CD1D: variants seen among roughly 807,000 people sequenced by gnomAD.
CD1D encodes the protein CD1d molecule, also known as antigen-presenting glycoprotein CD1d.
CD1D carries 40 observed loss-of-function variants against 42.1 expected under a neutral mutation model. The observed-to-expected ratio is 0.95, with a 90% CI of 0.74 to 1.24. CD1D has a LOEUF of 1.24. Among genes scored for constraint, CD1D ranks in the 50% most tolerant of loss-of-function variants. The probability of loss-of-function intolerance (pLI) is 0.00; values close to 1 mark genes in which losing one functional copy is unlikely to be tolerated. For synonymous variants in CD1D, 178 were observed against 171.8 expected, an observed-to-expected ratio of 1.04 and a Z score of -0.28; for missense variants, 437 against 416.5, an observed-to-expected ratio of 1.05 and a Z score of -0.43.
rs763097252 is a variant in CD1D, at chr1:158,184,544, A to T, written c.*394A>T. On this transcript the variant is annotated 3_prime_UTR_variant, in exon 6 of 6. Coordinates refer to ENST00000674085, the MANE Select transcript of CD1D (RefSeq NM_001371762.2). ...GAATCAGCTGCAGCTGCTTGTTGTC[A>T]AGTATAAAGTCAGGACCTGGCTTGG... The T allele has an allele frequency of 4.9e-6, 1 of 205,474 alleles. No individual in the cohort carries two copies. The highest frequency in any genetic ancestry group is 9.8e-6 in the Non-Finnish European group (1 of 101,842). 12.7% of individuals were successfully genotyped at this position (205,474 alleles called of 1,614,324 possible).
At chr1:158,183,541 A>C (rs1648558878) in intron 4 of CD1D, among the ~76,000 whole-genome samples, 1 of 152,214 alleles carries the variant, frequency 6.6e-6, no homozygotes, top group Admixed American at 6.5e-5. Context: ...ATGAATCTGC[A>C]TATAATATCT....
chr1:158,182,151 G>A lies in CD1D; in HGVS notation c.448G>A (p.Glu150Lys), dbSNP rs777519162. 16 of 1,613,986 alleles carry A rather than the reference G, an allele frequency of 9.9e-6. No individual in the cohort carries two copies. In the South Asian group the frequency reaches 1.6e-4, roughly 17 times the overall value. ...CCTGAGTTTCCAAGGAACTTCTTGG[G>A]AGCCAACCCAAGAGGCCCCACTTTG... ...DILSFQGTSW[E>K]PTQEAPLWVN... is the part of the protein sequence containing the mutation. The change falls in exon 3 of 6, where the codon GAG (glutamate) becomes AAG (lysine). Residue 150 changes from glutamate (E) to lysine (K), a missense_variant. Coordinates refer to ENST00000674085, the MANE Select transcript of CD1D (RefSeq NM_001371762.2).
Position 158,184,399 on chromosome 1 carries a change from G to T in CD1D, c.*249G>T, listed in dbSNP as rs1374718089. The T allele has an allele frequency of 1.8e-6, 1 of 563,308 alleles. No homozygotes were observed. The highest frequency in any genetic ancestry group is 3.2e-6 in the Non-Finnish European group (1 of 317,314). 34.9% of individuals were successfully genotyped at this position (563,308 alleles called of 1,614,324 possible). A position where few individuals can be genotyped will look rare whatever the true frequency, so the allele number is the denominator to read the frequency against. On this transcript the variant is annotated 3_prime_UTR_variant, in exon 6 of 6. Transcript: ENST00000674085. ...AAGCCCAAATGGCTCTGTGAAATCAGAAGTGCAAAGGTGTGCAAACTTGTA... is the reference window on the plus strand; with the variant it reads ...AAGCCCAAATGGCTCTGTGAAATCATAAGTGCAAAGGTGTGCAAACTTGTA...
Position 158,181,080 on chromosome 1 carries a change from C to T in CD1D, c.-22C>T, listed in dbSNP as rs1488715473. 21 of 1,539,276 alleles carry T rather than the reference C, an allele frequency of 1.4e-5. No individual in the cohort carries two copies. Among genetic ancestry groups the T allele is most frequent in the Non-Finnish European group, 1.7e-5 (19 of 1,141,668 alleles). ...GAGGGCGGCGCGCAGCGGCGCTCCG[C>T]GAGGTCCCCACGCCGGGCGATATGG... On this transcript the variant is annotated 5_prime_UTR_variant, in exon 1 of 6. Coordinates refer to ENST00000674085, the MANE Select transcript of CD1D (RefSeq NM_001371762.2).
rs138733189 is a variant in CD1D at position 158,182,906 on chromosome 1, C to T, written c.636C>T (p.Gly212=). The change falls in exon 4 of 6, where the codon GGC becomes GGT. Residue 212 remains glycine (G), a synonymous_variant. Transcript: ENST00000674085. ...QVKPKAWLSR[G]PSPGPGRLLL... is the part of the protein sequence containing the mutation. ...AGCCCAAGGCCTGGCTGTCCCGTGG[C>T]CCCAGTCCTGGCCCTGGCCGTCTGC... 3.5e-4 allele frequency: 565 copies of T among 1,612,468 alleles called. 3 individuals carry two copies. In the African/African-American group the frequency reaches 6.7e-3, roughly 19 times the overall value.
Position 158,182,877 on chromosome 1 carries a change from G to A in CD1D, c.608-1G>A. 1 of 1,603,050 alleles carries A rather than the reference G, an allele frequency of 6.2e-7. No individual in the cohort carries two copies. Among genetic ancestry groups the A allele is most frequent in the Non-Finnish European group, 8.5e-7 (1 of 1,173,734 alleles). ...CCCCCCCATTCCCTTGTTGGATACA[G>A]TGAAGCCCAAGGCCTGGCTGTCCCG... is the stretch of plus-strand genomic sequence containing the variant. On this transcript the variant is annotated splice_acceptor_variant, in intron 3 of 5. Transcript: ENST00000674085. LOFTEE classifies it high-confidence loss of function.
Position 158,183,238 on chromosome 1 carries a change from TTGATATAC to T in CD1D, c.886+83_886+90del, listed in dbSNP as rs1230188922. 2.7e-6 allele frequency: 4 copies of T among 1,500,142 alleles called. No homozygotes were observed. The African/African-American group carries it at 5.6e-5, about 21-fold the overall frequency. The allele number at this position is 1,500,142 out of a possible 1,614,324, so 92.9% of individuals were successfully genotyped here. On this transcript the variant is annotated intron_variant, in intron 4 of 5. Coordinates refer to ENST00000674085, the MANE Select transcript of CD1D (RefSeq NM_001371762.2). ...GGGAGGCACTGGGGTGGGATGTGGC[TTGATATAC>T]CCAGGTTAGAGGAGTTTCAGAGATG...
Position 158,182,216 on chromosome 1 carries a change from G to A in CD1D, c.513G>A (p.Trp171Ter). ...LAIQVLNQDK[W>*]TRETVQWLLN... The stretch of plus-strand genomic sequence containing the variant: ...TTCAAGTGCTCAACCAGGACAAGTG[G>A]ACGAGGGAAACAGTGCAGTGGCTCC... The change falls in exon 3 of 6, where the codon TGG (tryptophan) becomes TGA (stop). Residue 171 changes from tryptophan to a stop codon, truncating the protein, a stop_gained. Transcript: ENST00000674085. LOFTEE classifies it high-confidence loss of function. 1 of 1,614,190 alleles carries A rather than the reference G, an allele frequency of 6.2e-7. No homozygotes were observed. The highest frequency in any genetic ancestry group is 1.3e-5 in the African/African-American group (1 of 75,062).
In CD1D at chr1:158,181,518, CG is replaced by C. The variant is rs1266885721; in HGVS notation, c.126del (p.Arg43AlafsTer26). 3.1e-6 allele frequency: 5 copies of C among 1,614,060 alleles called. No individual in the cohort carries two copies. The highest frequency in any genetic ancestry group is 3.4e-6 in the Non-Finnish European group (4 of 1,180,044). On this transcript the variant is annotated frameshift_variant, in exon 2 of 6. Coordinates refer to ENST00000674085, the MANE Select transcript of CD1D (RefSeq NM_001371762.2). LOFTEE classifies it high-confidence loss of function. ...QISSFANSSWTRTDGLAWLGE... is the reference protein window; with the variant it reads ...QISSFANSSWXRTDGLAWLGE... The stretch of plus-strand genomic sequence containing the variant: ...TCGTCCTTCGCCAATAGCAGCTGGA[CG>C]CGCACCGACGGCTTGGCGTGGCTGG...
chr1:158,182,258 C>G lies in CD1D; in HGVS notation c.555C>G (p.Pro185=), dbSNP rs749014480. Residue 185 remains proline, a synonymous_variant, in exon 3 of 6, where the codon CCC becomes CCG. Coordinates refer to ENST00000674085, the MANE Select transcript of CD1D (RefSeq NM_001371762.2). The part of the protein sequence containing the change: ...TVQWLLNGTC[P]QFVSGLLESG... ...AGTGGCTCCTTAATGGCACCTGCCC[C>G]CAATTTGTCAGTGGCCTCCTTGAGT... 1 of 1,614,104 alleles carries G rather than the reference C, an allele frequency of 6.2e-7. No individual in the cohort carries two copies. The highest frequency in any genetic ancestry group is 8.5e-7 in the Non-Finnish European group (1 of 1,180,010).
In CD1D at chr1:158,181,500, T is replaced by G; in HGVS notation, c.107T>G (p.Phe36Cys). 6.2e-7 allele frequency: 1 copy of G among 1,614,096 alleles called. No individual in the cohort carries two copies. The highest frequency in any genetic ancestry group is 1.1e-5 in the South Asian group (1 of 91,072). Reference protein sequence around the residue: ...FPLRCLQISSFANSSWTRTDG... With the variant: ...FPLRCLQISSCANSSWTRTDG... Reference sequence around the variant, plus strand: ...CTCCGCTGCCTCCAGATCTCGTCCTTCGCCAATAGCAGCTGGACGCGCACC... The same window carrying G: ...CTCCGCTGCCTCCAGATCTCGTCCTGCGCCAATAGCAGCTGGACGCGCACC... Residue 36 changes from phenylalanine to cysteine, a missense_variant, in exon 2 of 6, where the codon TTC (phenylalanine) becomes TGC (cysteine). Physicochemically the swap from Phe to Cys is radical, Grantham distance 205. Transcript: ENST00000674085.
intron 4 of CD1D, among the ~76,000 whole-genome samples, chr1:158,183,438 G>A (rs1040116318): frequency 3.9e-5 from 6 of 152,192 alleles, no homozygotes; most frequent in African/African-American, 1.4e-4. Context: ...ATCCCAGGAC[G>A]ATTCATTCCT....
chr1:158,184,323 T>A lies in CD1D; in HGVS notation c.*173T>A. Reference sequence around the variant, plus strand: ...CAGCTTTCATCACACCCTTTTAACATTTATCTAAAAGAATTTAAATTCTTT... The same window carrying A: ...CAGCTTTCATCACACCCTTTTAACAATTATCTAAAAGAATTTAAATTCTTT... On this transcript the variant is annotated 3_prime_UTR_variant, in exon 6 of 6. Transcript: ENST00000674085. 1.5e-6 allele frequency: 1 copy of A among 655,324 alleles called. No homozygotes were observed. The highest frequency in any genetic ancestry group is 1.9e-5 in the South Asian group (1 of 53,410). 40.6% of individuals were successfully genotyped at this position (655,324 alleles called of 1,614,324 possible).
At position 158,186,140 on chromosome 1, in the gene CD1D, C is replaced by T. The variant is rs1181048859; in HGVS notation, c.*1990C>T. ...AATAATTATCTATTATTGATTATCTCCTAGACTTGTGGAGTTCAAGTGTGT... is the reference window on the plus strand; with the variant it reads ...AATAATTATCTATTATTGATTATCTTCTAGACTTGTGGAGTTCAAGTGTGT... On this transcript the variant is annotated 3_prime_UTR_variant, in exon 6 of 6. Transcript: ENST00000674085. Among the ~76,000 whole-genome samples the T allele has an allele frequency of 6.6e-6, 1 of 152,136 alleles. No homozygotes were observed. The highest frequency in any genetic ancestry group is 1.5e-5 in the Non-Finnish European group (1 of 68,032).
upstream of CD1D, among the ~76,000 whole-genome samples, chr1:158,179,358 C>G (rs1416506137): frequency 2.0e-5 from 3 of 152,100 alleles, no homozygotes; most frequent in Non-Finnish European, 4.4e-5. Flanking sequence ...TCTACAAGAT[C>G]CCAGCCTAGA....
chr1:158,179,236 T>G (rs1211198479), upstream of CD1D, among the ~76,000 whole-genome samples: 2 of 152,248 alleles, frequency 1.3e-5, no homozygotes, highest in Non-Finnish European at 2.9e-5. Flanking sequence ...TAGGCAATTT[T>G]GTATCCAAAT....
rs1648456620 is a variant in CD1D at position 158,182,062 on chromosome 1, G to C, written c.359G>C (p.Cys120Ser). The change falls in exon 3 of 6, where the codon TGT (cysteine) becomes TCT (serine). Residue 120 changes from cysteine to serine, a missense_variant. Coordinates refer to ENST00000674085, the MANE Select transcript of CD1D (RefSeq NM_001371762.2). ...YPLELQVSAGCEVHPGNASNN... is the reference protein window; with the variant it reads ...YPLELQVSAGSEVHPGNASNN... Reference sequence around the variant, plus strand: ...TTGGAGCTCCAGGTGTCCGCTGGCTGTGAGGTGCACCCTGGGAACGCCTCA... The same window carrying C: ...TTGGAGCTCCAGGTGTCCGCTGGCTCTGAGGTGCACCCTGGGAACGCCTCA... The C allele has an allele frequency of 3.1e-6, 5 of 1,612,326 alleles. No homozygotes were observed. The highest frequency in any genetic ancestry group is 4.2e-6 in the Non-Finnish European group (5 of 1,178,916).
chr1:158,181,207 G>A, intron 1 of CD1D, 45 bp downstream of exon 1: 2 of 1,546,870 alleles, frequency 1.3e-6, no homozygotes, highest in Non-Finnish European at 1.7e-6. Context: ...GGAGGGCGGA[G>A]AGAGGGAGCT....
At chr1:158,182,792 A>G in intron 3 of CD1D, 86 bp from the exon 4 acceptor site, 1 of 1,456,106 alleles carries the variant, frequency 6.9e-7, no homozygotes, top group Non-Finnish European at 9.3e-7. Context: ...TAAAGACCTG[A>G]AAGTCAAAAA....
Sources: allele counts gnomAD v4.1 joint callset (sites outside exome capture counted in the v4.1 genomes callset), GRCh38; gene constraint gnomAD v4.1.1; transcripts MANE v1.5; gene names NCBI Gene and HGNC (gene_info 2026-07-23, HGNC 2026-07-21).